The following L1CAM variants were observed in gnomAD, a reference collection of about 807,000 sequenced individuals.
The protein encoded by L1CAM is neural cell adhesion molecule L1.
In L1CAM, 8 loss-of-function variants were observed where a neutral mutation model predicts 93.0. The observed-to-expected ratio is 0.09, with a 90% CI of 0.05 to 0.16. The LOEUF (loss-of-function observed/expected upper bound fraction) is 0.16. L1CAM is among the 10% of genes least tolerant of loss of function. The pLI is 1.00. For synonymous variants in L1CAM, 453 were observed against 453.0 expected, an observed-to-expected ratio of 1.00 and a Z score of 0.00; for missense variants, 777 against 1,073.4, an observed-to-expected ratio of 0.72 and a Z score of 3.86.
At chrX:153,883,538 A>G (rs1557096154) in intron 1 of L1CAM, among the ~76,000 whole-genome samples, 1 of 112,369 alleles carries the variant, frequency 8.9e-6, no homozygotes, top group African/African-American at 3.2e-5. Flanking sequence ...GGCCCATTCC[A>G]GATGGCCCCA....
chrX:153,873,686 A>G (rs909617124), intron 2 of L1CAM, among the ~76,000 whole-genome samples: 1 of 112,200 alleles, frequency 8.9e-6, no homozygotes, highest in Non-Finnish European at 1.9e-5. Context: ...CTCCTAATCC[A>G]ATTAGCACAG....
At chrX:153,878,697 C>A (rs1557095125) in intron 1 of L1CAM, among the ~76,000 whole-genome samples, 1 of 111,778 alleles carries the variant, frequency 8.9e-6, no homozygotes, top group African/African-American at 3.3e-5. Flanking sequence ...CAAAGAAGGA[C>A]CCTCCTGCAT....
At chrX:153,870,620 G>T in intron 7 of L1CAM, 121 bp from the exon 8 acceptor site, 1 of 776,064 alleles carries the variant, frequency 1.3e-6, no homozygotes, top group East Asian at 3.4e-5. Context: ...CCATTAAGGA[G>T]AGTGTCCTGT....
Position 153,866,713 on chromosome X carries a change from C to T in L1CAM, c.2367G>A (p.Gln789=), listed in dbSNP as rs781792920. The T allele has an allele frequency of 1.6e-5, 19 of 1,211,566 alleles. No homozygotes were observed. Among genetic ancestry groups the T allele is most frequent in the Non-Finnish European group, 2.1e-5 (19 of 895,387 alleles). ...STFVPYEIKV[Q]AVNSQGKGPE... ...GTCCCTTGCCCTGGCTGTTGACGGC[C>T]TGGACTTTGATCTCATAGGGCACGA... The change falls in exon 19 of 29, where the codon CAG becomes CAA. Residue 789 remains glutamine (Q), a synonymous_variant. Transcript: ENST00000370060.
Position 153,872,354 on chromosome X carries a change from C to T in L1CAM, c.198G>A (p.Gln66=), listed in dbSNP as rs1375621738. 1.7e-6 allele frequency: 2 copies of T among 1,205,375 alleles called. No homozygotes were observed. Among genetic ancestry groups the T allele is most frequent in the African/African-American group, 1.8e-5 (1 of 56,083 alleles). Reference sequence around the variant, plus strand: ...GGACACCATCCCTCGTCCAGCGGAACCTGTGGGCGGAAAAAGGCCCAGAGG... The same window carrying T: ...GGACACCATCCCTCGTCCAGCGGAATCTGTGGGCGGAAAAAGGCCCAGAGG... ...KCEASGKPEV[Q]FRWTRDGVHF... is the part of the protein sequence containing the mutation. The change falls in exon 5 of 29, where the codon CAG becomes CAA. Residue 66 remains glutamine, a splice_region_variant and synonymous_variant. Transcript: ENST00000370060.
At chrX:153,872,001 G>C in intron 5 of L1CAM, 151 bp downstream of exon 5, 2 of 491,028 alleles carry the variant, frequency 4.1e-6, no homozygotes, top group African/African-American at 2.3e-5. Flanking sequence ...CAAGAAACAA[G>C]ATGGGCCAGG....
chrX:153,863,459 A>G lies in L1CAM; in HGVS notation c.3530+18T>C, dbSNP rs782380050. ...AGGGTGGAGCTGAGTGCCAGCACCC[A>G]CTCCTGCCCCGGCTCACCTGTACTC... On this transcript the variant is annotated intron_variant, in intron 27 of 28. Transcript: ENST00000370060. The G allele has an allele frequency of 1.7e-6, 2 of 1,207,544 alleles. No homozygotes were observed. The highest frequency in any genetic ancestry group is 2.2e-6 in the Non-Finnish European group (2 of 892,808).
chrX:153,868,769 GGGCTCCCTGCCCTCCCT>G (rs782396559), intron 12 of L1CAM, 42 bp from the exon 13 acceptor site: 6 of 1,205,988 alleles, frequency 5.0e-6, no homozygotes, highest in Non-Finnish European at 5.6e-6. Flanking sequence ...TGGCTGGCCT[GGGCTCCCTGCCCTCCCT>G]GGCTCCCTGG....
chrX:153,863,245 C>T (rs2064679685), intron 28 of L1CAM, 123 bp downstream of exon 28: 4 of 767,734 alleles, frequency 5.2e-6, no homozygotes, highest in Non-Finnish European at 7.8e-6. Flanking sequence ...AGCTGCCGGG[C>T]CTGGGGGCTG....
intron 11 of L1CAM, 26 bp from the exon 12 acceptor site, chrX:153,868,978 C>A: frequency 8.8e-7 from 1 of 1,136,756 alleles, no homozygotes; most frequent in Non-Finnish European, 1.2e-6. Context: ...CCTCAGGAGA[C>A]AGGGCAGGAC....
chrX:153,873,304 G>T, intron 2 of L1CAM, 62 bp from the exon 3 acceptor site: 1 of 1,097,416 alleles, frequency 9.1e-7, no homozygotes, highest in Non-Finnish European at 1.3e-6. Flanking sequence ...GGCAGCCCCA[G>T]AGTGGGGCAG....
chrX:153,884,806 C>A (rs782239142), intron 1 of L1CAM, among the ~76,000 whole-genome samples: 1 of 112,831 alleles, frequency 8.9e-6, no homozygotes, highest in South Asian at 3.6e-4. Flanking sequence ...CTGGGGAGGC[C>A]CCCGCCCCAG....
intron 1 of L1CAM, among the ~76,000 whole-genome samples, chrX:153,882,481 AAT>A (rs782066480): frequency 4.8e-4 from 52 of 109,074 alleles, no homozygotes; most frequent in Non-Finnish European, 9.5e-4. Context: ...CATGCAACCA[AAT>A]ATATGACCCC....
rs36021462 is a variant in L1CAM at position 153,866,778 on chromosome X, C to T, written c.2302G>A (p.Val768Ile). ...GACACCACCAGGAAGGGGTCGCTGACAATCTGCTCCTGCCAGGGCCCTCGT... is the reference window on the plus strand; with the variant it reads ...GACACCACCAGGAAGGGGTCGCTGATAATCTGCTCCTGCCAGGGCCCTCGT... ...GTRGPWQEQIVSDPFLVVSNT... is the reference protein window; with the variant it reads ...GTRGPWQEQIISDPFLVVSNT... Residue 768 changes from valine (V) to isoleucine (I), a missense_variant, in exon 19 of 29, where the codon GTC becomes ATC. Val to Ile is a conservative substitution (Grantham distance 29). Coordinates refer to ENST00000370060, the MANE Select transcript of L1CAM (RefSeq NM_001278116.2). 3.2e-3 allele frequency: 3,837 copies of T among 1,209,763 alleles called. 7 individuals carry two copies. The highest frequency in any genetic ancestry group is 5.9e-3 in the South Asian group (335 of 56,795).
Position 153,864,695 on chromosome X carries a change from T to C in L1CAM, c.3056A>G (p.Asp1019Gly), listed in dbSNP as rs1557090157. The change falls in exon 24 of 29, where the codon GAT becomes GGT. Residue 1019 changes from aspartate to glycine, a missense_variant. Transcript: ENST00000370060. ...CGCTGTGGCTGAGATGTTGCCAAAA[T>C]CTGAGATCCCTGGGGGGATGCAGGG... ...GGTMALSGIS[D>G]FGNISATAGE... is the part of the protein sequence containing the mutation. The C allele has an allele frequency of 1.7e-6, 2 of 1,212,014 alleles. No homozygotes were observed. Among genetic ancestry groups the C allele is most frequent in the Non-Finnish European group, 1.1e-6 (1 of 895,489 alleles).
rs374991970 is a variant in L1CAM, at chrX:153,865,122, G to A, written c.2838C>T (p.Gly946=). ...LRWQPPLSHN[G]VLTGYVLSYH... is the part of the protein sequence containing the mutation. ...AGGAGAGCACGTAGCCGGTGAGCAC[G>A]CCGTTGTGGCTGAGTGGGGGCTGCC... The change falls in exon 22 of 29, where the codon GGC becomes GGT. Residue 946 remains glycine, a synonymous_variant. Transcript: ENST00000370060. 6 of 1,210,353 alleles carry A rather than the reference G, an allele frequency of 5.0e-6. No individual in the cohort carries two copies. The highest frequency in any genetic ancestry group is 1.7e-5 in the African/African-American group (1 of 57,923).
At chrX:153,883,345 C>T (rs1052917403) in intron 1 of L1CAM, among the ~76,000 whole-genome samples, 65 of 108,677 alleles carry the variant, frequency 6.0e-4, no homozygotes, top group African/African-American at 2.1e-3. Flanking sequence ...ACCCCATCCC[C>T]GGCAGCAGCA....
intron 2 of L1CAM, chrX:153,875,530 C>G: frequency 4.0e-6 from 2 of 497,059 alleles, no homozygotes; most frequent in South Asian, 5.1e-5. Flanking sequence ...GAAATCGCCC[C>G]GGCGGCCGCG....
chrX:153,872,520 A>G, intron 4 of L1CAM, 72 bp downstream of exon 4: 1 of 972,193 alleles, frequency 1.0e-6, no homozygotes, highest in African/African-American at 1.9e-5. Flanking sequence ...CTTAGAAGTT[A>G]GGCAGTCCAG....
Sources: gnomAD v4.1 joint callset for allele counts (sites outside exome capture counted in the v4.1 genomes callset) on GRCh38, gnomAD v4.1.1 for gene constraint, MANE v1.5 for transcripts, NCBI Gene and HGNC (gene_info 2026-07-23, HGNC 2026-07-21) for gene names.